Variants in TENM2 observed in about 807,000 individuals in gnomAD.
TENM2 encodes the protein teneurin transmembrane protein 2, also known as teneurin-2.
TENM2 carries 52 observed loss-of-function variants against 245.2 expected under a neutral mutation model. The ratio of observed to expected loss-of-function variants is 0.21; its 90% CI spans 0.17 to 0.27. TENM2 has a LOEUF of 0.27. Among genes scored for constraint, TENM2 ranks in the 10% least tolerant of loss-of-function variants. The pLI is 1.00. For missense variants in TENM2, 3,046 were observed against 3,666.8 expected, an observed-to-expected ratio of 0.83 and a Z score of 4.37; for synonymous variants, 1,363 against 1,438.9, an observed-to-expected ratio of 0.95 and a Z score of 1.19.
chr5:167,866,328 A>G (rs1772320319), intron 2 of TENM2, among the ~76,000 whole-genome samples: 1 of 151,950 alleles, frequency 6.6e-6, no homozygotes, highest in African/African-American at 2.4e-5. Flanking sequence ...GTGAAACTTC[A>G]TCTCTACTAA....
the TENM2 span, among the ~76,000 whole-genome samples, chr5:167,138,381 A>G: frequency 6.6e-6 from 1 of 152,242 alleles, no homozygotes; most frequent in Non-Finnish European, 1.5e-5. Flanking sequence ...AGTAATGGAC[A>G]GTGAATTCAA....
chr5:167,380,744 G>T (rs1761053377), intron 2 of TENM2, among the ~76,000 whole-genome samples: 1 of 152,102 alleles, frequency 6.6e-6, no homozygotes, highest in South Asian at 2.1e-4. Context: ...GTTTTAAGCT[G>T]CTGAGTTCCT....
chr5:168,198,548 CAT>C (rs1160924963), intron 15 of TENM2, among the ~76,000 whole-genome samples: 2 of 152,036 alleles, frequency 1.3e-5, no homozygotes. Context: ...GCTCATAGGT[CAT>C]AGTTTGTTGA....
At chr5:167,792,868 C>A (rs1168244970) in intron 2 of TENM2, among the ~76,000 whole-genome samples, 1 of 152,162 alleles carries the variant, frequency 6.6e-6, no homozygotes, top group African/African-American at 2.4e-5. Flanking sequence ...AACATTTTCA[C>A]GGTTTCTGCA....
At chr5:168,062,314 T>C in intron 7 of TENM2, 49 bp downstream of exon 9, 1 of 1,425,546 alleles carries the variant, frequency 7.0e-7, no homozygotes, top group Non-Finnish European at 9.9e-7. Flanking sequence ...TATATACGTA[T>C]ATATGTGTGT....
intron 10 of TENM2, 128 bp downstream of exon 12, chr5:168,118,614 A>G (rs1482299449): frequency 4.9e-6 from 3 of 617,848 alleles, no homozygotes; most frequent in Admixed American, 5.8e-5. Flanking sequence ...GCACAAAACA[A>G]CTTCAAACTC....
At chr5:168,234,838 G>C (rs1056072311) in intron 25 of TENM2, among the ~76,000 whole-genome samples, 5 of 152,214 alleles carry the variant, frequency 3.3e-5, no homozygotes, top group African/African-American at 9.6e-5. Context: ...GTAGGTAGCA[G>C]AACAAAAGAA....
chr5:167,380,316 A>G (rs1466593615), intron 2 of TENM2, among the ~76,000 whole-genome samples: 2 of 152,296 alleles, frequency 1.3e-5, no homozygotes, highest in East Asian at 3.9e-4. Flanking sequence ...AGAATATCAC[A>G]TTGTCACATG....
At chr5:167,350,628 T>TATATATATGGGATACGTATATGG (rs1561883396) in intron 1 of TENM2, among the ~76,000 whole-genome samples, 1 of 60,408 alleles carries the variant, frequency 1.7e-5, no homozygotes, top group East Asian at 4.3e-4. Flanking sequence ...CATATGTGGA[T>TATATATATGGGATACGTATATGG]ATATATATAT....
intron 2 of TENM2, among the ~76,000 whole-genome samples, chr5:167,595,902 C>T (rs1776172841): frequency 6.6e-6 from 1 of 152,172 alleles, no homozygotes; most frequent in Admixed American, 6.5e-5. Flanking sequence ...AACTTCATTG[C>T]AGTCACTAAG....
intron 2 of TENM2, among the ~76,000 whole-genome samples, chr5:167,615,085 A>C (rs1367093413): frequency 6.6e-6 from 1 of 152,154 alleles, no homozygotes; most frequent in Non-Finnish European, 1.5e-5. Context: ...GGAGCTCCTG[A>C]CAATATTCAT....
rs930182712 is a variant in TENM2 at position 167,827,174 on chromosome 5, C to T, written c.503-48812C>T. 3.9e-5 allele frequency among the ~76,000 whole-genome samples: 6 copies of T among 152,168 alleles called. No homozygotes were observed. The East Asian group carries it at 1.2e-3, about 29-fold the overall frequency. On this transcript the variant is annotated intron_variant, in intron 2 of 28. Coordinates refer to ENST00000518659, the Ensembl canonical transcript of TENM2. ...GATAACGAAAAAATCCAAGGTGGTTCGGAATAACCGGCATTGGCTGAACTT... is the reference window on the plus strand; with the variant it reads ...GATAACGAAAAAATCCAAGGTGGTTTGGAATAACCGGCATTGGCTGAACTT...
intron 13 of TENM2, chr5:168,186,940 G>A (rs1427543154): frequency 6.6e-6 from 1 of 152,170 alleles, no homozygotes; most frequent in Non-Finnish European, 1.5e-5. Flanking sequence ...CAGGCCACTG[G>A]GAGATTGGAG....
At chr5:167,506,725 AAC>A (rs570096639) in intron 2 of TENM2, among the ~76,000 whole-genome samples, 212 of 152,300 alleles carry the variant, frequency 1.4e-3, no homozygotes, top group Non-Finnish European at 2.3e-3. Flanking sequence ...CTCTCAGTTT[AAC>A]AGTTTCACTT....
chr5:167,571,610 C>T (rs1774267977), intron 2 of TENM2, among the ~76,000 whole-genome samples: 1 of 152,094 alleles, frequency 6.6e-6, no homozygotes, highest in Non-Finnish European at 1.5e-5. Flanking sequence ...TAAAAATAAA[C>T]AACAGCACTG....
chr5:168,075,982 C>A (rs1268135999), intron 7 of TENM2, among the ~76,000 whole-genome samples: 2 of 152,084 alleles, frequency 1.3e-5, no homozygotes, highest in Non-Finnish European at 2.9e-5. Flanking sequence ...CCACCGTCTC[C>A]CTCCCACGAC....
At chr5:167,581,352 CTG>C (rs1775080483) in intron 2 of TENM2, among the ~76,000 whole-genome samples, 3 of 152,154 alleles carry the variant, frequency 2.0e-5, no homozygotes, top group Non-Finnish European at 2.9e-5. Flanking sequence ...TAGATTAAAA[CTG>C]AGTCTGTTAG....
chr5:168,027,167 A>C (rs1786700131), intron 5 of TENM2, among the ~76,000 whole-genome samples: 1 of 152,102 alleles, frequency 6.6e-6, no homozygotes, highest in Non-Finnish European at 1.5e-5. Flanking sequence ...GTGGAGAGCC[A>C]AGGTACCGTC....
intron 2 of TENM2, among the ~76,000 whole-genome samples, chr5:167,395,276 C>T (rs1403126405): frequency 6.6e-6 from 1 of 151,906 alleles, no homozygotes; most frequent in Non-Finnish European, 1.5e-5. Flanking sequence ...TCTTAGTTTC[C>T]TTTTCAAATA....
Sources: gnomAD v4.1 joint callset for allele counts (sites outside exome capture counted in the v4.1 genomes callset) on GRCh38, gnomAD v4.1.1 for gene constraint, MANE v1.5 for transcripts, NCBI Gene and HGNC (gene_info 2026-07-23, HGNC 2026-07-21) for gene names.